The following GRIA3 variants were observed in gnomAD, a reference collection of about 807,000 sequenced individuals.
GRIA3 encodes glutamate receptor 3.
A neutral mutation model predicts 63.0 loss-of-function variants in GRIA3; 3 were observed. That is an observed-to-expected ratio of 0.05 (90% CI 0.02 to 0.12). The LOEUF is 0.12. GRIA3 is among the 10% of genes least tolerant of loss of function. The probability of loss-of-function intolerance (pLI) is 1.00; values close to 1 mark genes in which losing one functional copy is unlikely to be tolerated. For missense variants in GRIA3, 347 were observed against 700.9 expected (o/e 0.50, Z 5.70); for synonymous variants, 274 against 257.9 (o/e 1.06, Z -0.60).
chrX:123,228,626 G>A (rs1025266153), intron 2 of GRIA3, among the ~76,000 whole-genome samples: 3 of 111,536 alleles, frequency 2.7e-5, no homozygotes, highest in Non-Finnish European at 5.7e-5. Flanking sequence ...GATGCCTTCT[G>A]GTATTAAGGA....
At chrX:123,255,693 T>C (rs1437498647) in intron 3 of GRIA3, among the ~76,000 whole-genome samples, 1 of 108,154 alleles carries the variant, frequency 9.2e-6, no homozygotes, top group African/African-American at 3.4e-5. Flanking sequence ...TCTCTAATCA[T>C]CTAACTAAAT....
chrX:123,201,062 T>C (rs1275001834), intron 2 of GRIA3, among the ~76,000 whole-genome samples: 1 of 112,026 alleles, frequency 8.9e-6, no homozygotes, highest in African/African-American at 3.2e-5. Context: ...GTGGTAAAAA[T>C]TGAAAGATAA....
At chrX:123,420,199 G>A (rs2045557133) in intron 11 of GRIA3, among the ~76,000 whole-genome samples, 1 of 111,974 alleles carries the variant, frequency 8.9e-6, no homozygotes, top group South Asian at 3.7e-4. Flanking sequence ...AGACTCAGAA[G>A]AGTCCTACCA....
chrX:123,283,079 T>C (rs1179119762), intron 3 of GRIA3, among the ~76,000 whole-genome samples: 1 of 111,399 alleles, frequency 9.0e-6, no homozygotes, highest in African/African-American at 3.3e-5. Flanking sequence ...AGACAGTGGG[T>C]GCAGCCCACG....
At chrX:123,380,388 T>G (rs1485298310) in intron 5 of GRIA3, among the ~76,000 whole-genome samples, 1 of 109,903 alleles carries the variant, frequency 9.1e-6, no homozygotes, top group Non-Finnish European at 1.9e-5. Flanking sequence ...ATTTCTCTGA[T>G]GGCCAGTGAT....
At chrX:123,226,240 G>T (rs1026941109) in intron 2 of GRIA3, among the ~76,000 whole-genome samples, 2 of 111,042 alleles carry the variant, frequency 1.8e-5, no homozygotes, top group African/African-American at 6.5e-5. Flanking sequence ...CATAACAACA[G>T]TTCAAGAAGT....
intron 10 of GRIA3, among the ~76,000 whole-genome samples, chrX:123,414,097 G>C (rs1381488241): frequency 1.8e-5 from 2 of 111,929 alleles, no homozygotes; most frequent in East Asian, 5.6e-4. Flanking sequence ...TTAAGTCTCA[G>C]GGGTATAAGG....
chrX:123,421,401 G>T (rs186656797), intron 11 of GRIA3, among the ~76,000 whole-genome samples: 64 of 111,962 alleles, frequency 5.7e-4, no homozygotes, highest in African/African-American at 2.1e-3. Context: ...GATGTTTCTA[G>T]AACTATTAAC....
At chrX:123,329,037 C>T (rs900041511) in intron 4 of GRIA3, among the ~76,000 whole-genome samples, 4 of 111,823 alleles carry the variant, frequency 3.6e-5, no homozygotes, top group African/African-American at 1.3e-4. Context: ...TATCATACTT[C>T]ACTATACAGA....
chrX:123,250,283 A>C (rs1280924157), intron 2 of GRIA3, among the ~76,000 whole-genome samples: 1 of 111,613 alleles, frequency 9.0e-6, no homozygotes, highest in Non-Finnish European at 1.9e-5. Context: ...GAATGCAATA[A>C]ATAAAATATT....
At chrX:123,441,566 G>A (rs185227044) in intron 12 of GRIA3, among the ~76,000 whole-genome samples, 11 of 110,598 alleles carry the variant, frequency 9.9e-5, no homozygotes, top group Admixed American at 2.9e-4. Flanking sequence ...AATGAGCTTC[G>A]GGAATCAATG....
At chrX:123,375,425 T>C (rs2045278410) in intron 5 of GRIA3, among the ~76,000 whole-genome samples, 1 of 112,077 alleles carries the variant, frequency 8.9e-6, no homozygotes, top group Non-Finnish European at 1.9e-5. Flanking sequence ...TATTGGGTTT[T>C]GGTATCTGGT....
intron 3 of GRIA3, among the ~76,000 whole-genome samples, chrX:123,286,332 G>A (rs1254442805): frequency 1.8e-5 from 2 of 109,835 alleles, no homozygotes; most frequent in African/African-American, 3.3e-5. Context: ...ATCTAAATTC[G>A]ACACCCTAAC....
chrX:123,320,100 G>T (rs774437035), intron 3 of GRIA3, among the ~76,000 whole-genome samples: 3 of 111,626 alleles, frequency 2.7e-5, no homozygotes, highest in Admixed American at 9.5e-5. Flanking sequence ...GAAAGAAATG[G>T]TTTTTTCAGC....
In GRIA3 at chrX:123,200,561, CATT is replaced by C. The variant is rs1268997461; in HGVS notation, c.268+14574_268+14576del. On this transcript the variant is annotated intron_variant, in intron 2 of 15. Transcript: ENST00000620443. The stretch of plus-strand genomic sequence containing the variant: ...ATATTTTATATATATACATATAAGT[CATT>C]ATATATGAGCCCATATATATACATA... Among the ~76,000 whole-genome samples the C allele has an allele frequency of 6.7e-5, 7 of 104,120 alleles. No homozygotes were observed. The East Asian group carries it at 2.1e-3, about 31-fold the overall frequency. 90.4% of individuals were successfully genotyped at this position (104,120 alleles called of 115,157 possible). A position where few individuals can be genotyped will look rare whatever the true frequency, so the allele number is the denominator to read the frequency against.
chrX:123,286,849 G>GT (rs1175682309), intron 3 of GRIA3, among the ~76,000 whole-genome samples: 2 of 111,815 alleles, frequency 1.8e-5, no homozygotes, highest in African/African-American at 3.3e-5. Context: ...AGAGGAGCTG[G>GT]TACCATTCCT....
intron 2 of GRIA3, among the ~76,000 whole-genome samples, chrX:123,248,689 G>A (rs773603503): frequency 5.5e-4 from 62 of 111,891 alleles, no homozygotes; most frequent in Non-Finnish European, 1.5e-4. Context: ...GGGAGGCTGA[G>A]GTAAGAGAAT....
intron 4 of GRIA3, among the ~76,000 whole-genome samples, chrX:123,327,832 C>T (rs1363634627): frequency 1.1e-5 from 1 of 93,786 alleles, no homozygotes. Context: ...CCTTCCCCCC[C>T]ACAAAAAAAA....
At chrX:123,378,879 T>C (rs968037860) in intron 5 of GRIA3, among the ~76,000 whole-genome samples, 2 of 111,143 alleles carry the variant, frequency 1.8e-5, no homozygotes, top group African/African-American at 3.3e-5. Context: ...TATAACTGCC[T>C]GTCACCTTTC....
Sources: gnomAD v4.1 joint callset for allele counts (sites outside exome capture counted in the v4.1 genomes callset) on GRCh38, gnomAD v4.1.1 for gene constraint, MANE v1.5 for transcripts, NCBI Gene and HGNC (gene_info 2026-07-23, HGNC 2026-07-21) for gene names.